CTNNA2: variants seen among roughly 807,000 people sequenced by gnomAD.
CTNNA2 encodes the protein catenin alpha-2.
Under a neutral mutation model 101.0 loss-of-function variants are expected in CTNNA2, and 42 were observed. That is an observed-to-expected ratio of 0.42 (90% CI 0.32 to 0.54). The LOEUF is 0.54. Among genes scored for constraint, CTNNA2 ranks in the 20% least tolerant of loss-of-function variants. The probability of loss-of-function intolerance (pLI) is 0.14; values close to 1 mark genes in which losing one functional copy is unlikely to be tolerated. For missense variants in CTNNA2, 871 were observed against 1,223.1 expected, an observed-to-expected ratio of 0.71 and a Z score of 4.29; for synonymous variants, 450 against 456.4, an observed-to-expected ratio of 0.99 and a Z score of 0.18.
At chr2:80,511,585 C>CA (rs528232272) in intron 9 of CTNNA2, among the ~76,000 whole-genome samples, 198 of 152,172 alleles carry the variant, frequency 1.3e-3, no homozygotes, top group South Asian at 3.3e-3. Flanking sequence ...ATATCATTGT[C>CA]AAAATCCTTG....
chr2:80,048,225 A>C (rs183973469), intron 7 of CTNNA2, among the ~76,000 whole-genome samples: 4 of 152,308 alleles, frequency 2.6e-5, no homozygotes, highest in Non-Finnish European at 4.4e-5. Context: ...CAATGTTTGG[A>C]ATCTACTTAT....
At chr2:80,607,858 A>G (rs1482141527) in intron 16 of CTNNA2, among the ~76,000 whole-genome samples, 1 of 151,900 alleles carries the variant, frequency 6.6e-6, no homozygotes, top group African/African-American at 2.4e-5. Flanking sequence ...TCACATAGTG[A>G]AAGTTGAAGG....
chr2:80,369,255 C>T (rs2149330673), intron 7 of CTNNA2, among the ~76,000 whole-genome samples: 1 of 152,152 alleles, frequency 6.6e-6, no homozygotes, highest in South Asian at 2.1e-4. Context: ...GGATATATTT[C>T]TCCCCCACCA....
chr2:79,242,046 C>T (rs1674633600), intron 2 of CTNNA2, among the ~76,000 whole-genome samples: 1 of 152,078 alleles, frequency 6.6e-6, no homozygotes, highest in Admixed American at 6.6e-5. Context: ...GCTGGGATTA[C>T]AGGCCCCCGC....
intron 3 of CTNNA2, among the ~76,000 whole-genome samples, chr2:79,815,689 G>A (rs111465351): frequency 0.3 from 45,203 of 151,830 alleles, 8,296 homozygotes; most frequent in African/African-American, 0.52. Flanking sequence ...GAAATCAGGT[G>A]GTGTGATGCC....
chr2:80,573,764 A>G (rs910712556), intron 12 of CTNNA2, among the ~76,000 whole-genome samples: 1 of 152,212 alleles, frequency 6.6e-6, no homozygotes, highest in African/African-American at 2.4e-5. Context: ...GAATTTTATT[A>G]CATTTTATAG....
At chr2:79,510,063 T>C (rs540973536), upstream of CTNNA2, among the ~76,000 whole-genome samples, 30 of 152,324 alleles carry the variant, frequency 2.0e-4, no homozygotes, top group African/African-American at 6.5e-4. Flanking sequence ...AAGATGCCAA[T>C]ATTGGCTTGG....
intron 7 of CTNNA2, among the ~76,000 whole-genome samples, chr2:80,344,943 C>T (rs930784660): frequency 6.6e-5 from 10 of 152,190 alleles, no homozygotes; most frequent in African/African-American, 2.4e-4. Flanking sequence ...TGCCTCTACA[C>T]TGAAATAGAT....
intron 2 of CTNNA2, among the ~76,000 whole-genome samples, chr2:79,657,021 G>T (rs953244352): frequency 3.3e-5 from 5 of 149,732 alleles, no homozygotes; most frequent in African/African-American, 2.5e-5. Flanking sequence ...AGAAAGAAAA[G>T]ATATAAAAAA....
intron 3 of CTNNA2, among the ~76,000 whole-genome samples, chr2:79,356,235 G>A (rs1213829588): frequency 6.6e-6 from 1 of 151,546 alleles, no homozygotes; most frequent in Non-Finnish European, 1.5e-5. Context: ...TATGCTTATT[G>A]GTCATTTGTT....
In CTNNA2 at chr2:79,969,770, T is replaced by C. The variant is rs1278205883; in HGVS notation, c.1056+59973T>C. 3.5e-5 allele frequency among the ~76,000 whole-genome samples: 5 copies of C among 141,162 alleles called. No homozygotes were observed. In the East Asian group the frequency reaches 1.3e-3, roughly 36 times the overall value. 92.6% of individuals were successfully genotyped at this position (141,162 alleles called of 152,430 possible). ...GGCCAGTGATTATTGAAATAAAGCA[T>C]TTATCTCTGTGTGTGATCAATTAAA... On this transcript the variant is annotated intron_variant, in intron 7 of 18. Coordinates refer to ENST00000402739, the MANE Select transcript of CTNNA2 (RefSeq NM_001282597.3).
At chr2:80,379,381 G>A (rs1306285462) in intron 7 of CTNNA2, among the ~76,000 whole-genome samples, 1 of 152,122 alleles carries the variant, frequency 6.6e-6, no homozygotes, top group East Asian at 1.9e-4. Flanking sequence ...TTTGTGCAGG[G>A]ACTTTTTTTG....
chr2:79,884,311 A>G (rs1683671662), intron 6 of CTNNA2, among the ~76,000 whole-genome samples: 1 of 152,202 alleles, frequency 6.6e-6, no homozygotes, highest in Non-Finnish European at 1.5e-5. Flanking sequence ...AAAAGAAAAT[A>G]AAGCATTGGG....
intron 3 of CTNNA2, among the ~76,000 whole-genome samples, chr2:79,841,193 T>A (rs1679782375): frequency 6.6e-6 from 1 of 152,182 alleles, no homozygotes; most frequent in Admixed American, 6.5e-5. Context: ...TTAGAAAGGC[T>A]AAGAAACATG....
At chr2:80,546,744 G>A (rs537284861) in intron 11 of CTNNA2, among the ~76,000 whole-genome samples, 1 of 152,324 alleles carries the variant, frequency 6.6e-6, no homozygotes, top group East Asian at 1.9e-4. Context: ...TCCATTTCAA[G>A]ATTTGTCTAC....
At chr2:79,771,826 A>C (rs1412818910) in intron 3 of CTNNA2, among the ~76,000 whole-genome samples, 2 of 152,184 alleles carry the variant, frequency 1.3e-5, no homozygotes, top group East Asian at 3.9e-4. Flanking sequence ...AGTTGATACA[A>C]AATTATCTTC....
At chr2:79,428,724 A>G (rs960274440) in intron 4 of CTNNA2, among the ~76,000 whole-genome samples, 1 of 152,180 alleles carries the variant, frequency 6.6e-6, no homozygotes, top group African/African-American at 2.4e-5. Flanking sequence ...GCTGTTGAAA[A>G]AAAACATATC....
At chr2:80,591,490 G>A (rs901615295) in intron 15 of CTNNA2, among the ~76,000 whole-genome samples, 9 of 61,036 alleles carry the variant, frequency 1.5e-4, no homozygotes, top group Non-Finnish European at 2.3e-4. Context: ...CAAACAGACA[G>A]CTGACTAGTG....
intron 2 of CTNNA2, among the ~76,000 whole-genome samples, chr2:79,218,311 T>TTGTGTG (rs60680995): frequency 0.017 from 1,982 of 114,714 alleles, 49 homozygotes; most frequent in South Asian, 0.036. Flanking sequence ...TTCATGAACT[T>TTGTGTG]TGTGTGTGTG....
Sources: gnomAD v4.1 joint callset for allele counts (sites outside exome capture counted in the v4.1 genomes callset) on GRCh38, gnomAD v4.1.1 for gene constraint, MANE v1.5 for transcripts, NCBI Gene and HGNC (gene_info 2026-07-23, HGNC 2026-07-21) for gene names.